PCDHGA3: variants seen among roughly 807,000 people sequenced by gnomAD.
The protein encoded by PCDHGA3 is protocadherin gamma subfamily A, 3.
Under a neutral mutation model 58.5 loss-of-function variants are expected in PCDHGA3, and 40 were observed. That is an observed-to-expected ratio of 0.68 (90% CI 0.53 to 0.89). The LOEUF is 0.89. Ranked by LOEUF, PCDHGA3 falls within the 40% of genes least tolerant of loss-of-function variation. The pLI, the probability that PCDHGA3 is intolerant of heterozygous loss-of-function variation, is 0.00. For missense variants in PCDHGA3, 1,223 were observed against 1,195.9 expected (o/e 1.02, Z -0.33); for synonymous variants, 530 against 525.7 (o/e 1.01, Z -0.11).
chr5:141,361,503 C>T (rs368091522), intron 1 of PCDHGA3: 95 of 1,613,900 alleles, frequency 5.9e-5, no homozygotes, highest in Non-Finnish European at 7.5e-5. Context: ...AACAGACTTC[C>T]TACATGGTTC....
In PCDHGA3 at chr5:141,502,866, C is replaced by CT. The variant is rs549047197; in HGVS notation, c.2484-2513dup. ...GAGCTGCCTAACCCTGACTCTCTGT[C>CT]TTTTTTTTTTTTTTGACAGGGAGTC... On this transcript the variant is annotated intron_variant, in intron 2 of 3. Transcript: ENST00000253812. Among the ~76,000 whole-genome samples, 1,216 of 127,988 alleles carry CT rather than the reference C, an allele frequency of 9.5e-3. 34 individuals are homozygous for CT. Among genetic ancestry groups the CT allele is most frequent in the Non-Finnish European group, 0.015 (955 of 62,394 alleles). The allele number at this position is 127,988 out of a possible 152,430, so 84.0% of individuals were successfully genotyped here.
intron 1 of PCDHGA3, among the ~76,000 whole-genome samples, chr5:141,457,873 G>C (rs967389295): frequency 2.0e-5 from 3 of 152,200 alleles, no homozygotes; most frequent in Non-Finnish European, 4.4e-5. Context: ...CCACAGGTTA[G>C]GAACCCTGTG....
At chr5:141,428,002 T>G in intron 1 of PCDHGA3, 1 of 1,601,328 alleles carries the variant, frequency 6.2e-7, no homozygotes, top group Non-Finnish European at 8.5e-7. Context: ...TCCGCACTCT[T>G]CGATATAGTG....
intron 1 of PCDHGA3, chr5:141,479,494 G>C (rs747201739): frequency 2.6e-5 from 4 of 152,256 alleles, no homozygotes; most frequent in Non-Finnish European, 5.9e-5. Flanking sequence ...CCATCAGGTT[G>C]CCTAAAGAGG....
At chr5:141,426,432 C>T (rs1239073805) in intron 1 of PCDHGA3, 2 of 295,812 alleles carry the variant, frequency 6.8e-6, no homozygotes, top group African/African-American at 2.2e-5. Flanking sequence ...TGGTGGGGAA[C>T]CTTGCGGAGG....
At chr5:141,480,021 C>T (rs1415230863) in intron 1 of PCDHGA3, among the ~76,000 whole-genome samples, 2 of 152,208 alleles carry the variant, frequency 1.3e-5, no homozygotes, top group East Asian at 3.8e-4. Flanking sequence ...AATCTCCTTT[C>T]TAAGCCTCTT....
chr5:141,427,023 G>A, intron 1 of PCDHGA3: 1 of 456,968 alleles, frequency 2.2e-6, no homozygotes, highest in Non-Finnish European at 4.4e-6. Flanking sequence ...TGTATACAAA[G>A]TCAGCCTTAG....
chr5:141,357,980 A>C (rs979777324), intron 1 of PCDHGA3, among the ~76,000 whole-genome samples: 2 of 152,164 alleles, frequency 1.3e-5, no homozygotes, highest in Non-Finnish European at 2.9e-5. Context: ...GCCTGAGCTC[A>C]GGAGTTCGAG....
intron 1 of PCDHGA3, chr5:141,365,416 C>T (rs780113082): frequency 5.0e-6 from 8 of 1,613,930 alleles, no homozygotes; most frequent in Non-Finnish European, 6.8e-6. Context: ...ACTGTCTTCC[C>T]GGAACTGTAA....
intron 1 of PCDHGA3, chr5:141,430,816 C>G: frequency 6.5e-7 from 1 of 1,538,128 alleles, no homozygotes. Context: ...TGGGAATCCT[C>G]CTGGGGACTC....
chr5:141,362,509 AATC>A lies in PCDHGA3; in HGVS notation c.2424+16055_2424+16057del, dbSNP rs1561527217. ...CAATGCCTCTTGGGAACAAAATACAAATCATGGAGCCGCTGGGGTCCCTTTTGC... is the reference window on the plus strand; with the variant it reads ...CAATGCCTCTTGGGAACAAAATACAAATGGAGCCGCTGGGGTCCCTTTTGC... On this transcript the variant is annotated intron_variant, in intron 1 of 3. Coordinates refer to ENST00000253812, the MANE Select transcript of PCDHGA3 (RefSeq NM_018916.4). The A allele has an allele frequency of 5.0e-6, 8 of 1,613,920 alleles. No homozygotes were observed. The South Asian group carries it at 7.7e-5, about 16-fold the overall frequency.
In PCDHGA3 at chr5:141,374,048, C is replaced by T. The variant is rs1406796976; in HGVS notation, c.2424+27591C>T. ...AAAGTGATGCAGATCTGTTCTTCCT[C>T]TTCTTAATCCCAGAGAAGTTCCTAA... On this transcript the variant is annotated intron_variant, in intron 1 of 3. Coordinates refer to ENST00000253812, the MANE Select transcript of PCDHGA3 (RefSeq NM_018916.4). The T allele has an allele frequency of 4.8e-6, 7 of 1,471,096 alleles. No homozygotes were observed. In the East Asian group the frequency reaches 1.4e-4, roughly 30 times the overall value. 91.1% of individuals were successfully genotyped at this position (1,471,096 alleles called of 1,614,324 possible).
In PCDHGA3 at chr5:141,476,245, G is replaced by C; in HGVS notation, c.2425-18562G>C. 3.1e-6 allele frequency: 5 copies of C among 1,614,086 alleles called. No homozygotes were observed. The highest frequency in any genetic ancestry group is 3.4e-6 in the Non-Finnish European group (4 of 1,180,026). On this transcript the variant is annotated intron_variant, in intron 1 of 3. Transcript: ENST00000253812. This position sits in a 1 kb window ranked among gnomAD's most constrained non-coding sequence, Gnocchi z 7.6. The stretch of plus-strand genomic sequence containing the variant: ...ATGAGATCCCGGAGGAAAGAGAGAA[G>C]GGTTTCGCTGTGGGCAACGTGGTCG...
At chr5:141,495,071 C>A (rs1391869079) in intron 2 of PCDHGA3, among the ~76,000 whole-genome samples, 1 of 152,160 alleles carries the variant, frequency 6.6e-6, no homozygotes, top group Non-Finnish European at 1.5e-5. Flanking sequence ...AAGCTCAATT[C>A]ACATGCTTGC....
intron 1 of PCDHGA3, chr5:141,351,766 C>G: frequency 6.2e-7 from 1 of 1,613,526 alleles, no homozygotes. Flanking sequence ...CCTACGTGTC[C>G]GTGAGCCCGC....
At chr5:141,462,271 G>C (rs2099036316) in intron 1 of PCDHGA3, among the ~76,000 whole-genome samples, 1 of 152,174 alleles carries the variant, frequency 6.6e-6, no homozygotes, top group African/African-American at 2.4e-5. Context: ...AAAGTGTATT[G>C]TTTAGTCACC....
intron 1 of PCDHGA3, chr5:141,402,840 T>C: frequency 7.2e-7 from 1 of 1,388,218 alleles, no homozygotes; most frequent in Non-Finnish European, 9.5e-7. Flanking sequence ...GCAGCAAAAC[T>C]CAGCCTCTTT....
At chr5:141,468,965 T>C (rs2099187692) in intron 1 of PCDHGA3, among the ~76,000 whole-genome samples, 1 of 151,738 alleles carries the variant, frequency 6.6e-6, no homozygotes, top group Admixed American at 6.6e-5. Context: ...TTTTTTACCT[T>C]AGGCTTTTGA....
intron 1 of PCDHGA3, chr5:141,357,538 A>G: frequency 1.9e-6 from 3 of 1,614,228 alleles, no homozygotes; most frequent in Admixed American, 1.7e-5. Context: ...AGACACGCTC[A>G]TCAGCCGGGA....
Sources: gnomAD v4.1 joint callset for allele counts (sites outside exome capture counted in the v4.1 genomes callset) on GRCh38, gnomAD v4.1.1 for gene constraint, Gnocchi (gnomAD v3.1) non-coding constraint, MANE v1.5 for transcripts, NCBI Gene and HGNC (gene_info 2026-07-23, HGNC 2026-07-21) for gene names.